Variants in PTPRN2 observed in about 807,000 individuals in gnomAD.
PTPRN2 encodes protein tyrosine phosphatase receptor type N2, also known as receptor-type tyrosine-protein phosphatase N2.
In PTPRN2, 74 loss-of-function variants were observed where a neutral mutation model predicts 118.8. That is an observed-to-expected ratio of 0.62 (90% CI 0.52 to 0.76). The LOEUF (loss-of-function observed/expected upper bound fraction) is 0.76. Ranked by LOEUF, PTPRN2 falls within the 30% of genes least tolerant of loss-of-function variation. PTPRN2 has a pLI of 0.00. For synonymous variants in PTPRN2, 641 were observed against 608.0 expected, an observed-to-expected ratio of 1.05 and a Z score of -0.80; for missense variants, 1,481 against 1,394.4, an observed-to-expected ratio of 1.06 and a Z score of -0.99.
At chr7:158,150,431 G>T (rs1585640065) in intron 6 of PTPRN2, among the ~76,000 whole-genome samples, 1 of 152,308 alleles carries the variant, frequency 6.6e-6, no homozygotes, top group East Asian at 1.9e-4. Context: ...AAAAGTGGCA[G>T]CTCTGCCGCC....
chr7:158,422,781 T>C (rs569651222), intron 2 of PTPRN2, among the ~76,000 whole-genome samples: 74 of 151,512 alleles, frequency 4.9e-4, no homozygotes, highest in African/African-American at 1.7e-3. Flanking sequence ...CCGTCACACC[T>C]GGGCTGACAC....
chr7:158,001,512 C>T (rs1454426376), intron 11 of PTPRN2, among the ~76,000 whole-genome samples: 1 of 152,106 alleles, frequency 6.6e-6, no homozygotes, highest in African/African-American at 2.4e-5. Flanking sequence ...CTCAGGACCA[C>T]AGGGCCTGAG....
At chr7:158,390,676 C>G (rs1057486834) in intron 2 of PTPRN2, among the ~76,000 whole-genome samples, 1 of 152,224 alleles carries the variant, frequency 6.6e-6, no homozygotes, top group African/African-American at 2.4e-5. Flanking sequence ...AGGCTTGCCC[C>G]GTCCCAGAGG....
chr7:158,580,764 A>G (rs970523933), intron 1 of PTPRN2, among the ~76,000 whole-genome samples: 5 of 152,232 alleles, frequency 3.3e-5, no homozygotes, highest in African/African-American at 7.2e-5. Flanking sequence ...CCACGTTTTT[A>G]AAAACCTGAC....
chr7:157,855,092 AGGGATGTGTGTG>A (rs1809597979), intron 12 of PTPRN2, among the ~76,000 whole-genome samples: 1 of 148,998 alleles, frequency 6.7e-6, no homozygotes, highest in Admixed American at 6.7e-5. Context: ...GTGCCGTTGC[AGGGATGTGTGTG>A]GGGCCGGATC....
chr7:158,286,020 T>C (rs1799746927), intron 3 of PTPRN2, among the ~76,000 whole-genome samples: 1 of 152,210 alleles, frequency 6.6e-6, no homozygotes, highest in African/African-American at 2.4e-5. Context: ...AGAATGAACA[T>C]TTATCAACAG....
intron 1 of PTPRN2, among the ~76,000 whole-genome samples, chr7:158,561,156 A>C (rs186707632): frequency 6.6e-6 from 1 of 152,376 alleles, no homozygotes; most frequent in East Asian, 1.9e-4. Flanking sequence ...AAGATTACGT[A>C]GATCGGGACA....
At chr7:157,767,939 G>A (rs1802580422) in intron 12 of PTPRN2, among the ~76,000 whole-genome samples, 1 of 152,218 alleles carries the variant, frequency 6.6e-6, no homozygotes, top group Non-Finnish European at 1.5e-5. Context: ...GGACATTAAG[G>A]ACATGAAGGC....
At chr7:158,288,012 A>G (rs1211533473) in intron 3 of PTPRN2, among the ~76,000 whole-genome samples, 1 of 152,124 alleles carries the variant, frequency 6.6e-6, no homozygotes, top group Non-Finnish European at 1.5e-5. Flanking sequence ...GCCCATATTT[A>G]TAATTATTAT....
chr7:158,491,390 G>A (rs1384556802), intron 1 of PTPRN2, among the ~76,000 whole-genome samples: 2 of 152,180 alleles, frequency 1.3e-5, no homozygotes, highest in East Asian at 3.9e-4. Context: ...ACAGGCGGGT[G>A]GACACCCCAC....
chr7:158,035,464 G>A (rs559598711), intron 11 of PTPRN2, among the ~76,000 whole-genome samples: 31 of 152,306 alleles, frequency 2.0e-4, no homozygotes, highest in African/African-American at 6.0e-4. Flanking sequence ...AGCTGAGTGT[G>A]GCAGTGGCAG....
At position 158,445,904 on chromosome 7, in the gene PTPRN2, G is replaced by A. The variant is rs555605756; in HGVS notation, c.163+43831C>T. On this transcript the variant is annotated intron_variant, in intron 2 of 22. Coordinates refer to ENST00000389418, the MANE Select transcript of PTPRN2 (RefSeq NM_002847.5). ...CGGGTCAGCCCTCAGACCACCCCAT[G>A]TGAGAAGGTAAACCCCGGCGCCCAG... 2.2e-3 allele frequency among the ~76,000 whole-genome samples: 334 copies of A among 152,340 alleles called. 2 individuals are homozygous for A. Among genetic ancestry groups the A allele is most frequent in the African/African-American group, 7.2e-3 (300 of 41,586 alleles).
chr7:158,221,142 G>T (rs1052539126), intron 3 of PTPRN2, among the ~76,000 whole-genome samples: 1 of 152,126 alleles, frequency 6.6e-6, no homozygotes, highest in African/African-American at 2.4e-5. Context: ...AATAAATGGT[G>T]CTAGGATAGC....
chr7:158,276,756 T>C (rs773579141), intron 3 of PTPRN2, among the ~76,000 whole-genome samples: 6 of 152,210 alleles, frequency 3.9e-5, no homozygotes, highest in Non-Finnish European at 7.3e-5. Context: ...TGCGGGGCCC[T>C]GATGCCATGG....
At chr7:158,117,838 G>T (rs147191919) in intron 9 of PTPRN2, among the ~76,000 whole-genome samples, 2 of 151,796 alleles carry the variant, frequency 1.3e-5, no homozygotes, top group East Asian at 3.9e-4. Flanking sequence ...CACTTCAAAA[G>T]TGAAGAAGAA....
intron 4 of PTPRN2, among the ~76,000 whole-genome samples, chr7:158,195,230 ATGTT>A (rs999683796): frequency 3.3e-5 from 5 of 152,162 alleles, no homozygotes; most frequent in African/African-American, 1.2e-4. Flanking sequence ...TTCTGGGTTG[ATGTT>A]TGTTTGTTTG....
At chr7:158,276,545 C>T (rs1046659708) in intron 3 of PTPRN2, among the ~76,000 whole-genome samples, 2 of 151,602 alleles carry the variant, frequency 1.3e-5, no homozygotes, top group African/African-American at 4.9e-5. Context: ...TGTAAGGCAG[C>T]ACCCCCACAC....
At chr7:157,810,259 C>T (rs956717676) in intron 12 of PTPRN2, among the ~76,000 whole-genome samples, 10 of 152,252 alleles carry the variant, frequency 6.6e-5, no homozygotes, top group South Asian at 6.2e-4. Context: ...ATGGTCGCAG[C>T]GCACCATCCC....
chr7:157,793,726 C>T (rs979371447), intron 12 of PTPRN2, among the ~76,000 whole-genome samples: 98 of 152,298 alleles, frequency 6.4e-4, no homozygotes, highest in African/African-American at 2.3e-3. Flanking sequence ...CCCAGGGCCA[C>T]GTATAGATCC....
Sources: gnomAD v4.1 joint callset for allele counts (sites outside exome capture counted in the v4.1 genomes callset) on GRCh38, gnomAD v4.1.1 for gene constraint, MANE v1.5 for transcripts, NCBI Gene and HGNC (gene_info 2026-07-23, HGNC 2026-07-21) for gene names.